TXNDC9: variants seen among roughly 807,000 people sequenced by gnomAD.
TXNDC9 encodes thioredoxin domain-containing protein 9.
Under a neutral mutation model 23.0 loss-of-function variants are expected in TXNDC9, and 7 were observed. That is an observed-to-expected ratio of 0.30 (90% CI 0.17 to 0.57). The LOEUF is 0.57. Among genes scored for constraint, TXNDC9 ranks in the 20% least tolerant of loss-of-function variants. The pLI, the probability that TXNDC9 is intolerant of heterozygous loss-of-function variation, is 0.90. For synonymous variants in TXNDC9, 72 were observed against 90.6 expected (o/e 0.79, Z 1.17); for missense variants, 198 against 252.6 (o/e 0.78, Z 1.47).
chr2:99,329,132 A>G (rs1430563516), intron 2 of TXNDC9, among the ~76,000 whole-genome samples: 1 of 152,208 alleles, frequency 6.6e-6, no homozygotes, highest in Non-Finnish European at 1.5e-5. Flanking sequence ...ACCTGCACTA[A>G]TTGTTAGAAA....
intron 2 of TXNDC9, among the ~76,000 whole-genome samples, chr2:99,329,305 C>T (rs557220158): frequency 6.6e-6 from 1 of 152,294 alleles, no homozygotes; most frequent in East Asian, 1.9e-4. Context: ...TTCCTTTTAA[C>T]TGTTCTCATA....
chr2:99,312,307 C>A, the TXNDC9 span, among the ~76,000 whole-genome samples: 1 of 151,974 alleles, frequency 6.6e-6, no homozygotes, highest in Non-Finnish European at 1.5e-5. Context: ...ACCAGCTTGG[C>A]AAATATGGTG....
the TXNDC9 span, among the ~76,000 whole-genome samples, chr2:99,309,929 C>T: frequency 6.6e-6 from 1 of 152,100 alleles, no homozygotes; most frequent in African/African-American, 2.4e-5. Flanking sequence ...AGGTGATCCA[C>T]CTGCCTCAGC....
intron 3 of TXNDC9, among the ~76,000 whole-genome samples, chr2:99,325,663 C>G (rs1306148815): frequency 6.6e-6 from 1 of 152,152 alleles, no homozygotes; most frequent in South Asian, 2.1e-4. Context: ...GGTCACAATA[C>G]AGGCAAATGC....
chr2:99,308,848 AC>A, the TXNDC9 span, among the ~76,000 whole-genome samples: 1 of 151,738 alleles, frequency 6.6e-6, no homozygotes, highest in Non-Finnish European at 1.5e-5. Context: ...AGTAGCTGGG[AC>A]TACAGGTGCT....
At chr2:99,335,995 CTGAACCCCA>C (rs928734364) in intron 1 of TXNDC9, among the ~76,000 whole-genome samples, 3 of 152,224 alleles carry the variant, frequency 2.0e-5, no homozygotes, top group Non-Finnish European at 4.4e-5. Flanking sequence ...TGGTCCTTAA[CTGAACCCCA>C]GGTACCTCCC....
At chr2:99,312,358 G>A in the TXNDC9 span, among the ~76,000 whole-genome samples, 1 of 151,996 alleles carries the variant, frequency 6.6e-6, no homozygotes, top group African/African-American at 2.4e-5. Context: ...TTAGCTGGGC[G>A]TGATGGTACA....
downstream of TXNDC9, among the ~76,000 whole-genome samples, chr2:99,316,682 C>G (rs896591541): frequency 2.6e-5 from 4 of 152,142 alleles, no homozygotes; most frequent in East Asian, 5.8e-4. Flanking sequence ...TACTGTAGAG[C>G]TCCTCTAATG....
chr2:99,329,233 G>A (rs981387996), intron 2 of TXNDC9, among the ~76,000 whole-genome samples: 1 of 152,108 alleles, frequency 6.6e-6, no homozygotes, highest in South Asian at 2.1e-4. Flanking sequence ...TCTTTCCCAC[G>A]TGGGCCCTTC....
chr2:99,318,597 AG>A (rs1474285058), downstream of TXNDC9, among the ~76,000 whole-genome samples: 1 of 152,190 alleles, frequency 6.6e-6, no homozygotes, highest in Non-Finnish European at 1.5e-5. Flanking sequence ...CAAGGGGGAA[AG>A]GGGTGATATA....
chr2:99,318,086 T>C (rs1263453512), downstream of TXNDC9, among the ~76,000 whole-genome samples: 1 of 152,232 alleles, frequency 6.6e-6, no homozygotes, highest in Admixed American at 6.5e-5. Flanking sequence ...AGACAGGGTT[T>C]CAGCATGTTG....
intron 1 of TXNDC9, among the ~76,000 whole-genome samples, chr2:99,333,634 T>C (rs903024035): frequency 3.9e-5 from 6 of 152,296 alleles, no homozygotes; most frequent in Middle Eastern, 6.8e-3. Context: ...CTGCGAACAA[T>C]AGGAAGGTAT....
chr2:99,330,462 C>T (rs1245798360), intron 2 of TXNDC9, among the ~76,000 whole-genome samples: 1 of 152,042 alleles, frequency 6.6e-6, no homozygotes, highest in Non-Finnish European at 1.5e-5. Flanking sequence ...ACATTCACTA[C>T]ACCCCTGTGC....
intron 2 of TXNDC9, among the ~76,000 whole-genome samples, chr2:99,332,241 A>C (rs574850236): frequency 6.6e-6 from 1 of 152,330 alleles, no homozygotes; most frequent in Admixed American, 6.5e-5. Flanking sequence ...TCAGAAGTTC[A>C]AGGGCAGCCT....
At chr2:99,331,166 T>C (rs115398494) in intron 2 of TXNDC9, among the ~76,000 whole-genome samples, 4 of 152,344 alleles carry the variant, frequency 2.6e-5, no homozygotes, top group African/African-American at 9.6e-5. Flanking sequence ...CATTAGCAAT[T>C]AGTACTTAAA....
At chr2:99,317,754 A>G (rs2105316962), downstream of TXNDC9, among the ~76,000 whole-genome samples, 1 of 152,120 alleles carries the variant, frequency 6.6e-6, no homozygotes, top group Non-Finnish European at 1.5e-5. Context: ...CTGGTATTAC[A>G]GGCATGAGCC....
intron 2 of TXNDC9, among the ~76,000 whole-genome samples, chr2:99,328,734 G>A (rs1049869362): frequency 1.3e-5 from 2 of 152,010 alleles, no homozygotes; most frequent in Admixed American, 6.6e-5. Flanking sequence ...CCAGCACCTT[G>A]GGAGGCTGAG....
chr2:99,325,739 C>T (rs574738515), intron 3 of TXNDC9, among the ~76,000 whole-genome samples: 2 of 152,166 alleles, frequency 1.3e-5, no homozygotes, highest in East Asian at 1.9e-4. Flanking sequence ...GGCCGGGTGC[C>T]GTGGCTCATA....
intron 1 of TXNDC9, 117 bp from the exon 2 acceptor site, chr2:99,333,359 C>T (rs1020329061): frequency 1.6e-5 from 13 of 788,530 alleles, no homozygotes; most frequent in East Asian, 1.4e-4. Flanking sequence ...AGTATTCTAA[C>T]GACATCCAAG....
Sources: allele counts gnomAD v4.1 joint callset (sites outside exome capture counted in the v4.1 genomes callset), GRCh38; gene constraint gnomAD v4.1.1; transcripts MANE v1.5; gene names NCBI Gene and HGNC (gene_info 2026-07-23, HGNC 2026-07-21).